HDAC7: variants seen among roughly 807,000 people sequenced by gnomAD.
HDAC7 encodes the protein histone deacetylase 7A.
HDAC7 carries 26 observed loss-of-function variants against 115.5 expected under a neutral mutation model. That is an observed-to-expected ratio of 0.23 (90% CI 0.16 to 0.31). HDAC7 has a LOEUF of 0.31. HDAC7 is among the 10% of genes least tolerant of loss of function. HDAC7 has a pLI of 1.00. For missense variants in HDAC7, 1,068 were observed against 1,329.0 expected (o/e 0.80, Z 3.05); for synonymous variants, 564 against 550.9 (o/e 1.02, Z -0.33).
chr12:47,819,773 C>CG lies in HDAC7; in HGVS notation c.12dup (p.Gly5ArgfsTer3), dbSNP rs1944969998. ...GCGGCCGCCCAGTACTCACCAGCGCCGGGGCTGTGCATCCAGGGGCCGGGG... is the reference window on the plus strand; with the variant it reads ...GCGGCCGCCCAGTACTCACCAGCGCCGGGGGCTGTGCATCCAGGGGCCGGGG... On this transcript the variant is annotated frameshift_variant, in exon 1 of 26. Coordinates refer to ENST00000080059, the MANE Select transcript of HDAC7 (RefSeq NM_015401.5). LOFTEE classifies it high-confidence loss of function. 1 of 769,552 alleles carries CG rather than the reference C, an allele frequency of 1.3e-6. No homozygotes were observed. Among genetic ancestry groups the CG allele is most frequent in the South Asian group, 6.1e-5 (1 of 16,498 alleles). The allele number at this position is 769,552 out of a possible 1,614,324, so 47.7% of individuals were successfully genotyped here. A position where few individuals can be genotyped will look rare whatever the true frequency, so the allele number is the denominator to read the frequency against.
At chr12:47,792,869 A>G (rs1943603772) in intron 13 of HDAC7, 1 of 362,794 alleles carries the variant, frequency 2.8e-6, no homozygotes, top group Non-Finnish European at 5.5e-6. Context: ...CAGGATACAA[A>G]ACGTAGTTCA....
chr12:47,785,874 T>C lies in HDAC7; in HGVS notation c.2584A>G (p.Met862Val). 6.2e-7 allele frequency: 1 copy of C among 1,605,540 alleles called. No individual in the cohort carries two copies. ...YHVSAKCFGY[M>V]TQQLMNLAGG... ...GCCAGGTTCATCAGTTGCTGCGTCA[T>C]GTATCCAAAACCTAGAGGTTGGGAG... Residue 862 changes from methionine to valine, a missense_variant, in exon 23 of 26, where the codon ATG becomes GTG. Transcript: ENST00000080059.
Position 47,787,801 on chromosome 12 carries a change from A to G in HDAC7, c.2364T>C (p.Ala788=). 1 of 1,612,078 alleles carries G rather than the reference A, an allele frequency of 6.2e-7. No individual in the cohort carries two copies. Among genetic ancestry groups the G allele is most frequent in the Admixed American group, 1.7e-5 (1 of 59,852 alleles). Residue 788 remains alanine (A), a synonymous_variant, in exon 21 of 26, where the codon GCT becomes GCC. Coordinates refer to ENST00000080059, the MANE Select transcript of HDAC7 (RefSeq NM_015401.5). The part of the protein sequence containing the change: ...PGSGAVDEVG[A]GSGEGFNVNV... ...TGACATTGAAGCCCTCACCGCTGCC[A>G]GCCCCTACCTGGAAAACAGGAGGCA...
At chr12:47,815,553 C>A (rs1209633534) in intron 1 of HDAC7, among the ~76,000 whole-genome samples, 3 of 152,242 alleles carry the variant, frequency 2.0e-5, no homozygotes, top group South Asian at 2.1e-4. Flanking sequence ...CTGTTAAAAT[C>A]TGGATTCCCA....
intron 13 of HDAC7, chr12:47,792,839 AAT>A: frequency 2.6e-6 from 1 of 378,104 alleles, no homozygotes. Flanking sequence ...AAGGATTCAT[AAT>A]ATGTTAACTA....
chr12:47,799,620 C>T (rs571836542), intron 2 of HDAC7, among the ~76,000 whole-genome samples: 1 of 152,342 alleles, frequency 6.6e-6, no homozygotes, highest in East Asian at 1.9e-4. Context: ...GCCCATGTGT[C>T]CTTGGGCCTG....
In HDAC7 at chr12:47,795,583, T is replaced by A. The variant is rs1297326919; in HGVS notation, c.1087+4A>T. 1 of 1,557,892 alleles carries A rather than the reference T, an allele frequency of 6.4e-7. No homozygotes were observed. The highest frequency in any genetic ancestry group is 8.7e-7 in the Non-Finnish European group (1 of 1,151,298). ...CCCCTTCCCTGAAGAAGCAGCAGAC[T>A]CACCAGTCAGCAGCGGGGCATGAGA... On this transcript the variant is annotated splice_donor_region_variant and intron_variant, in intron 10 of 25. Transcript: ENST00000080059. This position sits in a 1 kb window ranked among gnomAD's most constrained non-coding sequence, Gnocchi z 4.3.
intron 16 of HDAC7, 76 bp downstream of exon 16, chr12:47,791,183 C>G (rs1257007517): frequency 7.3e-7 from 1 of 1,366,024 alleles, no homozygotes; most frequent in African/African-American, 1.4e-5. Context: ...TCTGCAGGGG[C>G]TGGGCCTGGG....
Position 47,793,541 on chromosome 12 carries a change from GC to G in HDAC7, c.1505del (p.Gly502AlafsTer60). 6.5e-7 allele frequency: 1 copy of G among 1,547,178 alleles called. No homozygotes were observed. On this transcript the variant is annotated frameshift_variant, in exon 13 of 26. Transcript: ENST00000080059. LOFTEE classifies it high-confidence loss of function. This position sits in a 1 kb window ranked among gnomAD's most constrained non-coding sequence, Gnocchi z 4.5. ...QQRLAGRLPR[G>X]STGDTVLLPL... is the part of the protein sequence containing the mutation. ...GAAGCAGCACAGTGTCCCCGGTGCTGCCCCGGGGGAGCCGCCCAGCCAGTCG... is the reference window on the plus strand; with the variant it reads ...GAAGCAGCACAGTGTCCCCGGTGCTGCCCGGGGGAGCCGCCCAGCCAGTCG...
At chr12:47,815,076 A>G (rs1944815353) in intron 1 of HDAC7, among the ~76,000 whole-genome samples, 1 of 152,206 alleles carries the variant, frequency 6.6e-6, no homozygotes. Flanking sequence ...TGCAAGGCTC[A>G]GCTAGGATCC....
rs964751681 is a variant in HDAC7 at position 47,798,262 on chromosome 12, G to A, written c.350-43C>T. 8.0e-6 allele frequency: 12 copies of A among 1,495,450 alleles called. No homozygotes were observed. The highest frequency in any genetic ancestry group is 9.3e-6 in the Non-Finnish European group (10 of 1,074,202). The allele number at this position is 1,495,450 out of a possible 1,614,324, so 92.6% of individuals were successfully genotyped here. ...GGAGGGGGCTGGAGGTGGGTGGACAGGCGGCCTCGTGGCACTACCTGGCCA... is the reference window on the plus strand; with the variant it reads ...GGAGGGGGCTGGAGGTGGGTGGACAAGCGGCCTCGTGGCACTACCTGGCCA... On this transcript the variant is annotated intron_variant, in intron 4 of 25. Coordinates refer to ENST00000080059, the MANE Select transcript of HDAC7 (RefSeq NM_015401.5). This position sits in a 1 kb window ranked among gnomAD's most constrained non-coding sequence, Gnocchi z 4.3.
intron 13 of HDAC7, 26 bp from the exon 14 acceptor site, chr12:47,792,030 G>C: frequency 1.3e-6 from 2 of 1,581,796 alleles, no homozygotes; most frequent in Non-Finnish European, 8.6e-7. Context: ...TCAGAGCGGG[G>C]ACCCAGGGAG....
In HDAC7 at chr12:47,797,576, A is replaced by AGT; in HGVS notation, c.462-78_462-77insAC. ...CACTGCCCTGAGCACGGGCCCTGGG[A>AGT]CCTGAGGGGGAGGCTGCAGCGGGCA... On this transcript the variant is annotated intron_variant, in intron 5 of 25. Coordinates refer to ENST00000080059, the MANE Select transcript of HDAC7 (RefSeq NM_015401.5). This position sits in a 1 kb window ranked among gnomAD's most constrained non-coding sequence, Gnocchi z 5.5. 5.5e-6 allele frequency: 6 copies of AGT among 1,089,146 alleles called. No homozygotes were observed. The highest frequency in any genetic ancestry group is 2.3e-5 in the Admixed American group (1 of 43,190). 67.5% of individuals were successfully genotyped at this position (1,089,146 alleles called of 1,614,324 possible).
chr12:47,800,064 C>T (rs1353012424), intron 2 of HDAC7, among the ~76,000 whole-genome samples: 1 of 152,202 alleles, frequency 6.6e-6, no homozygotes, highest in South Asian at 2.1e-4. Context: ...AGTACCAGTC[C>T]AGGAGTCAGA....
chr12:47,802,962 T>C (rs1944239956), intron 1 of HDAC7, among the ~76,000 whole-genome samples: 4 of 152,162 alleles, frequency 2.6e-5, no homozygotes. Context: ...CTGCTGCCTG[T>C]TTCCTCAGAG....
upstream of HDAC7, chr12:47,819,938 C>G (rs906198319): frequency 1.4e-5 from 2 of 145,172 alleles, no homozygotes; most frequent in Admixed American, 6.8e-5. Flanking sequence ...CCTGGCAGCC[C>G]GGCCGGCCGG....
At chr12:47,784,856 C>A in intron 24 of HDAC7, 1 of 1,284,118 alleles carries the variant, frequency 7.8e-7, no homozygotes, top group Non-Finnish European at 1.1e-6. Flanking sequence ...CACGGCTCCC[C>A]TACCCAGCCC....
Position 47,793,343 on chromosome 12 carries a change from A to ACCC in HDAC7, c.1678+23_1678+25dup. On this transcript the variant is annotated intron_variant, in intron 13 of 25. Coordinates refer to ENST00000080059, the MANE Select transcript of HDAC7 (RefSeq NM_015401.5). This position sits in a 1 kb window ranked among gnomAD's most constrained non-coding sequence, Gnocchi z 4.5. ...CTCGTGCAGCCGAGCCCCTCCCTCCACCCGCCACCCTCCTCCCGGTCTCAC... is the reference window on the plus strand; with the variant it reads ...CTCGTGCAGCCGAGCCCCTCCCTCCACCCCCCGCCACCCTCCTCCCGGTCTCAC... The ACCC allele has an allele frequency of 1.4e-6, 1 of 693,374 alleles. No homozygotes were observed. Among genetic ancestry groups the ACCC allele is most frequent in the Non-Finnish European group, 2.2e-6 (1 of 448,740 alleles). 43.0% of individuals were successfully genotyped at this position (693,374 alleles called of 1,614,324 possible). A position where few individuals can be genotyped will look rare whatever the true frequency, so the allele number is the denominator to read the frequency against.
intron 1 of HDAC7, among the ~76,000 whole-genome samples, chr12:47,810,830 CTCTCTCTCTCTCTCTCTA>C (rs1944625811): frequency 1.0e-5 from 1 of 96,626 alleles, no homozygotes; most frequent in African/African-American, 4.7e-5. Flanking sequence ...CTCTCTCTCT[CTCTCTCTCTCTCTCTCTA>C]TCTCTATCTC....
Sources: gnomAD v4.1 joint callset for allele counts (sites outside exome capture counted in the v4.1 genomes callset) on GRCh38, gnomAD v4.1.1 for gene constraint, Gnocchi (gnomAD v3.1) non-coding constraint, MANE v1.5 for transcripts, NCBI Gene and HGNC (gene_info 2026-07-23, HGNC 2026-07-21) for gene names.